The following AGAP1 variants were observed in gnomAD, a reference collection of about 807,000 sequenced individuals.
AGAP1 encodes arf-GAP with GTPase, ANK repeat and PH domain-containing protein 1.
A neutral mutation model predicts 105.3 loss-of-function variants in AGAP1; 29 were observed. That is an observed-to-expected ratio of 0.28 (90% CI 0.21 to 0.38). The LOEUF is 0.38. AGAP1 is among the 10% of genes least tolerant of loss of function. AGAP1 has a pLI of 1.00. For synonymous variants in AGAP1, 509 were observed against 485.9 expected (o/e 1.05, Z -0.63); for missense variants, 998 against 1,165.1 (o/e 0.86, Z 2.09).
intron 16 of AGAP1, among the ~76,000 whole-genome samples, chr2:236,060,859 C>G (rs1433026705): frequency 6.6e-6 from 1 of 152,088 alleles, no homozygotes; most frequent in Non-Finnish European, 1.5e-5. Context: ...GCCAGCATCT[C>G]AAGACCTGCC....
intron 11 of AGAP1, among the ~76,000 whole-genome samples, chr2:235,916,168 GAA>G (rs11284275): frequency 1.3e-5 from 2 of 151,596 alleles, no homozygotes; most frequent in East Asian, 1.9e-4. Flanking sequence ...GTCTACTCCA[GAA>G]AAAAAAAGAA....
chr2:235,835,763 T>C (rs1960084331), intron 9 of AGAP1, among the ~76,000 whole-genome samples: 1 of 152,202 alleles, frequency 6.6e-6, no homozygotes, highest in African/African-American at 2.4e-5. Flanking sequence ...GCTCGTGTAG[T>C]TTACTAATAA....
chr2:236,055,199 G>C lies in AGAP1; in HGVS notation c.2114+5918G>C, dbSNP rs781513702. ...AGAGGGTTCAGGGAGCTGGGGGCTC[G>C]TTTGGAGTTTTAATCAGCCTGTCTT... On this transcript the variant is annotated intron_variant, in intron 16 of 17. Transcript: ENST00000304032. This position sits in a 1 kb window ranked among gnomAD's most constrained non-coding sequence, Gnocchi z 6.2. Among the ~76,000 whole-genome samples, 2 of 152,148 alleles carry C rather than the reference G, an allele frequency of 1.3e-5. No individual in the cohort carries two copies. Among genetic ancestry groups the C allele is most frequent in the African/African-American group, 4.8e-5 (2 of 41,444 alleles).
At chr2:235,783,240 G>T (rs993200424) in intron 6 of AGAP1, 3 of 401,510 alleles carry the variant, frequency 7.5e-6, no homozygotes, top group Non-Finnish European at 1.5e-5. Context: ...AAGATTTGGG[G>T]ATTAAAAAAA....
At chr2:235,776,869 T>A (rs2149895615) in intron 6 of AGAP1, 1 of 469,656 alleles carries the variant, frequency 2.1e-6, no homozygotes, top group Non-Finnish European at 4.4e-6. Flanking sequence ...CTCGAGGCTC[T>A]CCTAGCCCTT....
At chr2:235,554,289 A>G (rs1254881761) in intron 1 of AGAP1, among the ~76,000 whole-genome samples, 1 of 152,106 alleles carries the variant, frequency 6.6e-6, no homozygotes, top group Non-Finnish European at 1.5e-5. Flanking sequence ...CGCACCATTT[A>G]TTTGGGTTTC....
intron 2 of AGAP1, among the ~76,000 whole-genome samples, chr2:235,711,673 C>T (rs1363903350): frequency 6.6e-6 from 1 of 152,188 alleles, no homozygotes; most frequent in Non-Finnish European, 1.5e-5. Context: ...GTTGTGGCAT[C>T]AGCGGGCACT....
chr2:236,070,738 G>GACAGA (rs1434880443), intron 16 of AGAP1, among the ~76,000 whole-genome samples: 2 of 152,138 alleles, frequency 1.3e-5, no homozygotes, highest in Non-Finnish European at 2.9e-5. Flanking sequence ...AATCCATACG[G>GACAGA]ACAGAAAGTG....
intron 1 of AGAP1, among the ~76,000 whole-genome samples, chr2:235,530,464 G>A (rs1265308268): frequency 6.6e-6 from 1 of 152,154 alleles, no homozygotes; most frequent in African/African-American, 2.4e-5. Flanking sequence ...AGTTCTGGAG[G>A]TCAGATCCTA....
In AGAP1 at chr2:235,728,291, G is replaced by A. The variant is rs1039927919; in HGVS notation, c.310+10647G>A. ...TGGCTGTGAGATCTGAAAAGGACTG[G>A]GCCCAGACTCTGTGTGTGTGTGTGT... On this transcript the variant is annotated intron_variant, in intron 3 of 17. Coordinates refer to ENST00000304032, the MANE Select transcript of AGAP1 (RefSeq NM_001037131.3). This position sits in a 1 kb window ranked among gnomAD's most constrained non-coding sequence, Gnocchi z 4.3. Among the ~76,000 whole-genome samples the A allele has an allele frequency of 4.0e-5, 6 of 149,032 alleles. No homozygotes were observed. Among genetic ancestry groups the A allele is most frequent in the Non-Finnish European group, 7.5e-5 (5 of 67,056 alleles).
chr2:235,702,934 G>GTGTTTTTTTTTTTTTTTTTTT lies in AGAP1; in HGVS notation c.164-6244_164-6243insGTTTTTTTTTTTTTTTTTTTT, dbSNP rs1553609552. On this transcript the variant is annotated intron_variant, in intron 1 of 17. Transcript: ENST00000304032. ...TGGTCACTGTGAGCCAGTTTTCTTG[G>GTGTTTTTTTTTTTTTTTTTTT]TTTTTTTTTTTTGGACAGAGTCTGG... 2.1e-4 allele frequency among the ~76,000 whole-genome samples: 19 copies of GTGTTTTTTTTTTTTTTTTTTT among 88,960 alleles called. 2 individuals carry two copies. The highest frequency in any genetic ancestry group is 6.7e-4 in the South Asian group (1 of 1,496). 58.4% of individuals were successfully genotyped at this position (88,960 alleles called of 152,430 possible).
intron 8 of AGAP1, among the ~76,000 whole-genome samples, chr2:235,805,352 C>G (rs1473713307): frequency 6.6e-6 from 1 of 152,182 alleles, no homozygotes; most frequent in Non-Finnish European, 1.5e-5. Context: ...CAAGTGGAAT[C>G]TGAAATTCTG....
intron 1 of AGAP1, among the ~76,000 whole-genome samples, chr2:235,604,923 C>G (rs1325761132): frequency 6.6e-6 from 1 of 151,976 alleles, no homozygotes; most frequent in Non-Finnish European, 1.5e-5. Flanking sequence ...CTCTGTCCCC[C>G]GGGCTGGAGG....
chr2:235,736,872 A>G lies in AGAP1; in HGVS notation c.311-4091A>G, dbSNP rs934387810. ...CAAAACAAAACACAACACAACAACA[A>G]TGAAAAATCTAATGACTGGGATGAG... is the stretch of plus-strand genomic sequence containing the variant. On this transcript the variant is annotated intron_variant, in intron 3 of 17. Transcript: ENST00000304032. This position sits in a 1 kb window ranked among gnomAD's most constrained non-coding sequence, Gnocchi z 5.5. Among the ~76,000 whole-genome samples the G allele has an allele frequency of 6.6e-6, 1 of 152,144 alleles. No individual in the cohort carries two copies. The highest frequency in any genetic ancestry group is 2.4e-5 in the African/African-American group (1 of 41,432).
intron 1 of AGAP1, among the ~76,000 whole-genome samples, chr2:235,638,308 G>GC (rs1425109213): frequency 6.6e-6 from 1 of 152,078 alleles, no homozygotes; most frequent in African/African-American, 2.4e-5. Context: ...GGTGAGTGTG[G>GC]CCCCCTCACA....
Position 235,769,280 on chromosome 2 carries a change from T to A in AGAP1, c.673+18792T>A, listed in dbSNP as rs1955226464. ...GATTGGTGGCAGGTCATGCAGTCAT[T>A]GCTCACCAGAGCCAGGACATGCCTG... On this transcript the variant is annotated intron_variant, in intron 6 of 17. Transcript: ENST00000304032. The surrounding 1 kb of genome is among the most constrained non-coding windows in gnomAD (Gnocchi z 4.4). Among the ~76,000 whole-genome samples the A allele has an allele frequency of 1.3e-5, 2 of 152,218 alleles. No homozygotes were observed. The highest frequency in any genetic ancestry group is 4.8e-5 in the African/African-American group (2 of 41,450).
rs543126282 is a variant in AGAP1 at position 235,577,168 on chromosome 2, A to G, written c.163+82319A>G. Among the ~76,000 whole-genome samples, 637 of 152,346 alleles carry G rather than the reference A, an allele frequency of 4.2e-3. 6 individuals are homozygous for G. The highest frequency in any genetic ancestry group is 6.3e-3 in the Non-Finnish European group (427 of 68,036). On this transcript the variant is annotated intron_variant, in intron 1 of 17. Transcript: ENST00000304032. This position sits in a 1 kb window ranked among gnomAD's most constrained non-coding sequence, Gnocchi z 4.5. ...TTCTACTAGCTACATTAGAAAAAAT[A>G]AAAGAAACAGATGAAATTAATTTTA...
rs552115763 is a variant in AGAP1 at position 235,626,845 on chromosome 2, T to C, written c.164-82334T>C. On this transcript the variant is annotated intron_variant, in intron 1 of 17. Transcript: ENST00000304032. ...GGTACAGACACAAATTGGCATGGCGTGTTTCAATAAAACTTTATTTACAAA... is the reference window on the plus strand; with the variant it reads ...GGTACAGACACAAATTGGCATGGCGCGTTTCAATAAAACTTTATTTACAAA... Among the ~76,000 whole-genome samples, 10 of 152,352 alleles carry C rather than the reference T, an allele frequency of 6.6e-5. No homozygotes were observed. The East Asian group carries it at 1.7e-3, about 27-fold the overall frequency.
intron 13 of AGAP1, among the ~76,000 whole-genome samples, chr2:235,997,034 G>A (rs1256273507): frequency 6.6e-6 from 1 of 152,202 alleles, no homozygotes; most frequent in Non-Finnish European, 1.5e-5. Context: ...AATGAAGACA[G>A]GAGTGTGTGT....
Sources: allele counts gnomAD v4.1 joint callset (sites outside exome capture counted in the v4.1 genomes callset), GRCh38; gene constraint gnomAD v4.1.1; non-coding constraint Gnocchi (gnomAD v3.1); transcripts MANE v1.5; gene names NCBI Gene and HGNC (gene_info 2026-07-23, HGNC 2026-07-21).